The following PPM1G variants were observed in gnomAD, a reference collection of about 807,000 sequenced individuals.
PPM1G encodes protein phosphatase, Mg2+/Mn2+ dependent 1G.
Under a neutral mutation model 59.4 loss-of-function variants are expected in PPM1G, and 12 were observed. The observed-to-expected ratio is 0.20, with a 90% CI of 0.13 to 0.33. The LOEUF is 0.33. PPM1G is among the 10% of genes least tolerant of loss of function. The pLI is 1.00. For synonymous variants in PPM1G, 245 were observed against 251.9 expected, an observed-to-expected ratio of 0.97 and a Z score of 0.26; for missense variants, 392 against 681.3, an observed-to-expected ratio of 0.58 and a Z score of 4.73.
intron 1 of PPM1G, chr2:27,392,923 TA>T (rs1179769127): frequency 7.1e-7 from 1 of 1,418,234 alleles, no homozygotes; most frequent in African/African-American, 1.4e-5. Flanking sequence ...TTCATTCAGG[TA>T]ATGTGTCTCA....
chr2:27,406,065 G>C (rs1257003646), intron 1 of PPM1G, among the ~76,000 whole-genome samples: 2 of 152,114 alleles, frequency 1.3e-5, no homozygotes, highest in Non-Finnish European at 2.9e-5. Flanking sequence ...AGAGAAGCTT[G>C]AAACAGGCAG....
rs1296277520 is a variant in PPM1G at position 27,386,197 on chromosome 2, C to T, written c.273G>A (p.Gln91=). ...DQKAYKEGKL[Q]KALEDAFLAI... ...TGGGCGGTGTAAGCAGACAGACCTT[C>T]TGTAGCTTGCCTTCCTTGTAGGCCT... is the stretch of plus-strand genomic sequence containing the variant. The change falls in exon 3 of 10, where the codon CAG becomes CAA. Residue 91 remains glutamine (Q), a synonymous_variant. Coordinates refer to ENST00000344034, the MANE Select transcript of PPM1G (RefSeq NM_177983.3). The T allele has an allele frequency of 3.7e-6, 6 of 1,612,192 alleles. No individual in the cohort carries two copies. The highest frequency in any genetic ancestry group is 5.1e-6 in the Non-Finnish European group (6 of 1,178,458).
intron 1 of PPM1G, among the ~76,000 whole-genome samples, chr2:27,388,853 C>T (rs766713501): frequency 2.8e-5 from 4 of 140,636 alleles, no homozygotes; most frequent in South Asian, 2.2e-4. Flanking sequence ...CCAGCCAGGG[C>T]GACAGAGCAA....
chr2:27,397,781 A>T (rs982615635), intron 1 of PPM1G, among the ~76,000 whole-genome samples: 3 of 152,190 alleles, frequency 2.0e-5, no homozygotes, highest in Admixed American at 6.5e-5. Context: ...AGGCAGGCGG[A>T]TCTCTTGAAC....
At position 27,382,125 on chromosome 2, in the gene PPM1G, C is replaced by T; in HGVS notation, c.1434+1G>A. The T allele has an allele frequency of 6.2e-7, 1 of 1,613,418 alleles. No individual in the cohort carries two copies. The highest frequency in any genetic ancestry group is 8.5e-7 in the Non-Finnish European group (1 of 1,179,340). On this transcript the variant is annotated splice_donor_variant, in intron 9 of 9. Transcript: ENST00000344034. LOFTEE classifies it high-confidence loss of function. This position sits in a 1 kb window ranked among gnomAD's most constrained non-coding sequence, Gnocchi z 4.2. ...CCTCTCTTCTCCACCCTGGTACTCA[C>T]CTCTTCCACAATGGATGACAATAAC...
chr2:27,393,062 A>T, intron 1 of PPM1G: 4 of 1,289,762 alleles, frequency 3.1e-6, no homozygotes, highest in Non-Finnish European at 4.4e-6. Flanking sequence ...AATCCATCGC[A>T]TTCAGCCCGC....
intron 1 of PPM1G, among the ~76,000 whole-genome samples, chr2:27,408,691 T>C (rs62131868): frequency 0.071 from 10,723 of 151,982 alleles, 500 homozygotes; most frequent in African/African-American, 0.13. Context: ...ATAATTCAAG[T>C]TTTCCGAAGT....
chr2:27,381,899 T>C (rs1357117667), intron 9 of PPM1G, 94 bp from the exon 10 acceptor site: 1 of 1,341,946 alleles, frequency 7.5e-7, no homozygotes, highest in South Asian at 1.2e-5. Flanking sequence ...TGAGTCAGGG[T>C]GGTAGGAGAG....
At chr2:27,402,637 C>T (rs946671540) in intron 1 of PPM1G, among the ~76,000 whole-genome samples, 6 of 151,884 alleles carry the variant, frequency 4.0e-5, no homozygotes, top group Non-Finnish European at 8.8e-5. Context: ...AACCCCGCCT[C>T]TACTAAAAAC....
Position 27,383,639 on chromosome 2 carries a change from A to C in PPM1G, c.967-39T>G, listed in dbSNP as rs1215165325. The C allele has an allele frequency of 6.4e-7, 1 of 1,551,282 alleles. No homozygotes were observed. The highest frequency in any genetic ancestry group is 8.8e-7 in the Non-Finnish European group (1 of 1,139,926). On this transcript the variant is annotated intron_variant, in intron 6 of 9. Transcript: ENST00000344034. The surrounding 1 kb of genome is among the most constrained non-coding windows in gnomAD (Gnocchi z 5.0). ...AAAGGAGCATCATGGGGGCTTCTGA[A>C]CATGCGTTCCTCACTGATGTGCTCC...
intron 1 of PPM1G, among the ~76,000 whole-genome samples, chr2:27,399,555 T>C (rs1442692886): frequency 6.6e-6 from 1 of 152,196 alleles, no homozygotes; most frequent in Non-Finnish European, 1.5e-5. Flanking sequence ...GTGCCTGTAA[T>C]CCCAGCTGCT....
At chr2:27,389,166 A>G (rs983083149) in intron 1 of PPM1G, among the ~76,000 whole-genome samples, 8 of 152,172 alleles carry the variant, frequency 5.3e-5, no homozygotes, top group Non-Finnish European at 7.3e-5. Flanking sequence ...CCACATCCAC[A>G]TCATCACAGA....
chr2:27,395,519 ACT>A (rs1300663871), intron 1 of PPM1G, among the ~76,000 whole-genome samples: 1 of 151,864 alleles, frequency 6.6e-6, no homozygotes, highest in Admixed American at 6.6e-5. Context: ...ATAGAGTGAG[ACT>A]CTGTCTCAAA....
intron 1 of PPM1G, among the ~76,000 whole-genome samples, chr2:27,399,611 A>G (rs924722324): frequency 3.3e-5 from 5 of 152,102 alleles, no homozygotes; most frequent in African/African-American, 1.2e-4. Context: ...ACAGAGTGAG[A>G]TTCTGTCTCA....
intron 1 of PPM1G, among the ~76,000 whole-genome samples, chr2:27,402,979 GA>G (rs1261261986): frequency 6.6e-6 from 1 of 150,468 alleles, no homozygotes; most frequent in Non-Finnish European, 1.5e-5. Context: ...GCTGAGGCTG[GA>G]AGACCCCTTG....
intron 1 of PPM1G, among the ~76,000 whole-genome samples, chr2:27,402,830 A>G (rs1684215713): frequency 6.7e-6 from 1 of 148,268 alleles, no homozygotes; most frequent in Admixed American, 6.7e-5. Flanking sequence ...ATAAATAAAT[A>G]AATAAATAAA....
intron 1 of PPM1G, among the ~76,000 whole-genome samples, chr2:27,402,786 G>GA (rs1684210402): frequency 6.6e-6 from 1 of 150,652 alleles, no homozygotes; most frequent in South Asian, 2.1e-4. Context: ...CAGCCTGGGT[G>GA]ACAGTGTAAG....
intron 1 of PPM1G, among the ~76,000 whole-genome samples, chr2:27,407,326 C>T (rs1282656761): frequency 2.0e-5 from 3 of 152,116 alleles, no homozygotes; most frequent in East Asian, 1.9e-4. Context: ...TGCAGAGGGG[C>T]GATCTTGGCT....
At chr2:27,389,702 C>G (rs1014647607) in intron 1 of PPM1G, among the ~76,000 whole-genome samples, 2 of 152,202 alleles carry the variant, frequency 1.3e-5, no homozygotes, top group African/African-American at 4.8e-5. Flanking sequence ...CGATGGCTCA[C>G]ACCTGTAATC....
Sources: allele counts gnomAD v4.1 joint callset (sites outside exome capture counted in the v4.1 genomes callset), GRCh38; gene constraint gnomAD v4.1.1; non-coding constraint Gnocchi (gnomAD v3.1); transcripts MANE v1.5; gene names NCBI Gene and HGNC (gene_info 2026-07-23, HGNC 2026-07-21).